The following ZC3H14 variants were observed in gnomAD, a reference collection of about 807,000 sequenced individuals.
ZC3H14 encodes zinc finger CCCH domain-containing protein 14.
ZC3H14 carries 31 observed loss-of-function variants against 92.4 expected under a neutral mutation model. That is an observed-to-expected ratio of 0.34 (90% CI 0.25 to 0.45). The LOEUF (loss-of-function observed/expected upper bound fraction) is 0.45. Among genes scored for constraint, ZC3H14 ranks in the 20% least tolerant of loss-of-function variants. ZC3H14 has a pLI of 1.00. For synonymous variants in ZC3H14, 321 were observed against 300.9 expected, an observed-to-expected ratio of 1.07 and a Z score of -0.69; for missense variants, 781 against 897.3, an observed-to-expected ratio of 0.87 and a Z score of 1.66.
At chr14:88,599,260 A>T (rs572942017) in intron 10 of ZC3H14, among the ~76,000 whole-genome samples, 94 of 152,242 alleles carry the variant, frequency 6.2e-4, no homozygotes, top group Non-Finnish European at 4.4e-5. Context: ...TTGCTTCATT[A>T]TTGCCTTAGA....
At chr14:88,588,985 A>C (rs913510439) in intron 9 of ZC3H14, among the ~76,000 whole-genome samples, 1 of 152,126 alleles carries the variant, frequency 6.6e-6, no homozygotes, top group African/African-American at 2.4e-5. Context: ...TGAAGATCCT[A>C]ATTAAAGGGA....
chr14:88,620,940 A>T lies in ZC3H14; in HGVS notation c.*9189A>T. On this transcript the variant is annotated 3_prime_UTR_variant, in exon 17 of 17. Coordinates refer to ENST00000251038, the MANE Select transcript of ZC3H14 (RefSeq NM_024824.5). This position sits in a 1 kb window ranked among gnomAD's most constrained non-coding sequence, Gnocchi z 4.3. ...GTTTAACATCTTCTGCATTTAAAAA[A>T]AAAAAAAAAAAGAGTCATAGGAAAC... 1 of 1,488,204 alleles carries T rather than the reference A, an allele frequency of 6.7e-7. No homozygotes were observed. The highest frequency in any genetic ancestry group is 8.9e-7 in the Non-Finnish European group (1 of 1,123,404). 92.2% of individuals were successfully genotyped at this position (1,488,204 alleles called of 1,614,324 possible). A position where few individuals can be genotyped will look rare whatever the true frequency, so the allele number is the denominator to read the frequency against.
In ZC3H14 at chr14:88,612,212, G is replaced by C. The variant is rs2086892041; in HGVS notation, c.*461G>C. The C allele has an allele frequency of 6.3e-6, 1 of 157,918 alleles. No individual in the cohort carries two copies. 9.8% of individuals were successfully genotyped at this position (157,918 alleles called of 1,614,324 possible). A position where few individuals can be genotyped will look rare whatever the true frequency, so the allele number is the denominator to read the frequency against. ...ATGTTCATAATCCACCATGAAAACA[G>C]CATTGGCCAAAGGTACTGAGGCTGC... On this transcript the variant is annotated 3_prime_UTR_variant, in exon 17 of 17. Transcript: ENST00000251038.
rs2090040577 is a variant in ZC3H14 at position 88,627,173 on chromosome 14, C to G, written c.*15422C>G. 1 of 825,984 alleles carries G rather than the reference C, an allele frequency of 1.2e-6. No homozygotes were observed. Among genetic ancestry groups the G allele is most frequent in the Middle Eastern group, 2.9e-4 (1 of 3,434 alleles). 51.2% of individuals were successfully genotyped at this position (825,984 alleles called of 1,614,324 possible). On this transcript the variant is annotated 3_prime_UTR_variant, in exon 17 of 17. Coordinates refer to ENST00000251038, the MANE Select transcript of ZC3H14 (RefSeq NM_024824.5). Reference sequence around the variant, plus strand: ...AGAAGAGAGGCCAATGGCCCCTGCTCTACTACCTAGCAATACATGATTTAC... The same window carrying G: ...AGAAGAGAGGCCAATGGCCCCTGCTGTACTACCTAGCAATACATGATTTAC...
chr14:88,585,287 T>C (rs1385133036), intron 9 of ZC3H14, among the ~76,000 whole-genome samples: 2 of 152,194 alleles, frequency 1.3e-5, no homozygotes, highest in Non-Finnish European at 2.9e-5. Context: ...TCTCATGTTT[T>C]TTAAGGTTCA....
In ZC3H14 at chr14:88,585,833, T is replaced by G. The variant is rs1322740867; in HGVS notation, c.1279+7693T>G. Among the ~76,000 whole-genome samples the G allele has an allele frequency of 3.9e-5, 6 of 152,224 alleles. No individual in the cohort carries two copies. In the East Asian group the frequency reaches 1.2e-3, roughly 29 times the overall value. On this transcript the variant is annotated intron_variant, in intron 9 of 16. Transcript: ENST00000251038. ...TGAAGAGCTTCAGTCTTTATCCTCC[T>G]CATTTACTTGTTTCCAGTGTTTCAA...
rs758123649 is a variant in ZC3H14, at chr14:88,610,933, C to T, written c.2197C>T (p.Gln733Ter). The stretch of plus-strand genomic sequence containing the variant: ...ACATGCCTTGAAATGGATTCGACCT[C>T]AAACCAGGTAAACATTCAAATTCGT... ...PRHALKWIRPQTSE is the reference protein window; with the variant it reads ...PRHALKWIRP Residue 733 changes from glutamine (Q) to a stop codon, truncating the protein, a stop_gained, in exon 16 of 17, where the codon CAA becomes TAA. Coordinates refer to ENST00000251038, the MANE Select transcript of ZC3H14 (RefSeq NM_024824.5). LOFTEE classifies it high-confidence loss of function. The T allele has an allele frequency of 6.2e-7, 1 of 1,613,926 alleles. No individual in the cohort carries two copies. The highest frequency in any genetic ancestry group is 1.1e-5 in the South Asian group (1 of 91,080).
chr14:88,599,539 G>A (rs1028455146), intron 10 of ZC3H14, among the ~76,000 whole-genome samples: 3 of 152,176 alleles, frequency 2.0e-5, no homozygotes, highest in African/African-American at 4.8e-5. Flanking sequence ...AGGTGTGCGG[G>A]AGGGACCGGT....
At chr14:88,571,972 TAAATA>T (rs1363710312) in intron 4 of ZC3H14, 53 bp from the exon 5 acceptor site, 6 of 1,336,104 alleles carry the variant, frequency 4.5e-6, no homozygotes, top group African/African-American at 1.5e-5. Context: ...CAAAAATAAA[TAAATA>T]AATAAAAATA....
chr14:88,586,320 G>A (rs116441070), intron 9 of ZC3H14, among the ~76,000 whole-genome samples: 11 of 152,190 alleles, frequency 7.2e-5, no homozygotes, highest in African/African-American at 2.6e-4. Context: ...CCAATATTTT[G>A]AAGTATTTTT....
At chr14:88,574,065 T>C (rs950990564) in intron 6 of ZC3H14, among the ~76,000 whole-genome samples, 1 of 152,186 alleles carries the variant, frequency 6.6e-6, no homozygotes, top group African/African-American at 2.4e-5. Context: ...TAAATTAATT[T>C]GGGGGGTTTC....
intron 4 of ZC3H14, among the ~76,000 whole-genome samples, 177 bp from the exon 5 acceptor site, chr14:88,571,853 A>G (rs1257180237): frequency 6.6e-6 from 1 of 152,120 alleles, no homozygotes; most frequent in African/African-American, 2.4e-5. Context: ...AATCCCAGCT[A>G]CTTGGGAGGC....
rs1466480079 is a variant in ZC3H14 at position 88,568,715 on chromosome 14, T to G, written c.194+562T>G. ...AGTTGAATCCTGGCTGTGTCTTGCCTTGGTTTCTCTAGCTATAAAATGGAA... is the reference window on the plus strand; with the variant it reads ...AGTTGAATCCTGGCTGTGTCTTGCCGTGGTTTCTCTAGCTATAAAATGGAA... On this transcript the variant is annotated intron_variant, in intron 3 of 16. Transcript: ENST00000251038. 2.0e-5 allele frequency among the ~76,000 whole-genome samples: 3 copies of G among 152,190 alleles called. No homozygotes were observed. In the East Asian group the frequency reaches 5.8e-4, roughly 29 times the overall value.
At chr14:88,579,029 G>T (rs2081552338) in intron 9 of ZC3H14, among the ~76,000 whole-genome samples, 1 of 151,860 alleles carries the variant, frequency 6.6e-6, no homozygotes, top group African/African-American at 2.4e-5. Flanking sequence ...CGTCAAGAAG[G>T]ATTCTTTTTT....
chr14:88,574,771 G>A lies in ZC3H14; in HGVS notation c.940G>A (p.Glu314Lys). Reference protein sequence around the residue: ...KVKKFNHDGEEEEEDDDYGSR... With the variant: ...KVKKFNHDGEKEEEDDDYGSR... ...AAAAAAATTCAATCATGATGGAGAAGAGGAGGAAGAAGATGATGATTACGG... is the reference window on the plus strand; with the variant it reads ...AAAAAAATTCAATCATGATGGAGAAAAGGAGGAAGAAGATGATGATTACGG... The change falls in exon 7 of 17, where the codon GAG becomes AAG. Residue 314 changes from glutamate (E) to lysine (K), a missense_variant. Transcript: ENST00000251038. The A allele has an allele frequency of 6.2e-7, 1 of 1,614,164 alleles. No homozygotes were observed. Among genetic ancestry groups the A allele is most frequent in the South Asian group, 1.1e-5 (1 of 91,078 alleles).
chr14:88,567,262 C>T (rs2079801025), intron 2 of ZC3H14, among the ~76,000 whole-genome samples: 1 of 151,564 alleles, frequency 6.6e-6, no homozygotes, highest in Admixed American at 6.6e-5. Flanking sequence ...ACTATAGGCG[C>T]TCACCACCAC....
rs141162669 is a variant in ZC3H14 at position 88,568,173 on chromosome 14, T to C, written c.194+20T>C. 8.2e-4 allele frequency: 1,310 copies of C among 1,605,952 alleles called. 5 individuals are homozygous for C. The African/African-American group carries it at 0.016, about 19-fold the overall frequency. ...CGTATGGTATGTTTCTGAATTTTTG[T>C]GCCTCAGACCAAAGTTTGGCACAAG... On this transcript the variant is annotated intron_variant, in intron 3 of 16. Coordinates refer to ENST00000251038, the MANE Select transcript of ZC3H14 (RefSeq NM_024824.5).
Position 88,596,741 on chromosome 14 carries a change from A to G in ZC3H14, c.1287A>G (p.Gln429=), listed in dbSNP as rs780278221. The G allele has an allele frequency of 1.9e-6, 3 of 1,613,850 alleles. No homozygotes were observed. Among genetic ancestry groups the G allele is most frequent in the African/African-American group, 1.3e-5 (1 of 74,928 alleles). Residue 429 remains glutamine, a synonymous_variant, in exon 10 of 17, where the codon CAA becomes CAG. Transcript: ENST00000251038. ...TTAAAATTTATATTCTAGGAACTCA[A>G]CAGAGGCAATTATTATCCCGACTGC... The part of the protein sequence containing the change: ...GDSVEKNQGT[Q]QRQLLSRLQI...
At position 88,602,052 on chromosome 14, in the gene ZC3H14, C is replaced by T. The variant is rs1476463936; in HGVS notation, c.1483C>T (p.Arg495Trp). The T allele has an allele frequency of 5.6e-6, 9 of 1,614,064 alleles. No individual in the cohort carries two copies. Among genetic ancestry groups the T allele is most frequent in the South Asian group, 1.1e-5 (1 of 91,068 alleles). The change falls in exon 11 of 17, where the codon CGG (arginine) becomes TGG (tryptophan). Residue 495 changes from arginine to tryptophan, a missense_variant. Physicochemically the swap from Arg to Trp is moderately radical, Grantham distance 101 (BLOSUM62 -3). Coordinates refer to ENST00000251038, the MANE Select transcript of ZC3H14 (RefSeq NM_024824.5). ...ESGMKTADSL[R>W]VLSGHLMQTR... ...GGGGATGAAGACTGCAGATTCCCTT[C>T]GGGTACTTTCAGGACACCTTATGCA...
Sources: allele counts gnomAD v4.1 joint callset (sites outside exome capture counted in the v4.1 genomes callset), GRCh38; gene constraint gnomAD v4.1.1; non-coding constraint Gnocchi (gnomAD v3.1); transcripts MANE v1.5; gene names NCBI Gene and HGNC (gene_info 2026-07-23, HGNC 2026-07-21).